Variants in NUP214 observed in about 807,000 individuals in gnomAD.
NUP214 encodes the protein nuclear pore complex protein Nup214.
In NUP214, 79 loss-of-function variants were observed where a neutral mutation model predicts 196.2. The ratio of observed to expected loss-of-function variants is 0.40; its 90% CI spans 0.34 to 0.49. The LOEUF (loss-of-function observed/expected upper bound fraction) is 0.49. Among genes scored for constraint, NUP214 ranks in the 20% least tolerant of loss-of-function variants. The pLI is 0.58. For missense variants in NUP214, 2,468 were observed against 2,539.0 expected (o/e 0.97, Z 0.60); for synonymous variants, 1,020 against 990.5 (o/e 1.03, Z -0.56).
intron 21 of NUP214, among the ~76,000 whole-genome samples, chr9:131,165,837 T>C (rs1832773622): frequency 6.6e-6 from 1 of 152,194 alleles, no homozygotes; most frequent in Non-Finnish European, 1.5e-5. Flanking sequence ...CTTGAGGACA[T>C]TGTGCTAAGT....
intron 15 of NUP214, 76 bp from the exon 16 acceptor site, chr9:131,150,540 A>G (rs1191899525): frequency 1.3e-6 from 2 of 1,586,000 alleles, no homozygotes; most frequent in African/African-American, 2.7e-5. Flanking sequence ...CAGTCTGAGC[A>G]GTTAGTAAGC....
chr9:131,219,372 A>G (rs1040653754), intron 31 of NUP214, among the ~76,000 whole-genome samples: 3 of 152,200 alleles, frequency 2.0e-5, no homozygotes, highest in African/African-American at 7.2e-5. Flanking sequence ...AGACCCCATT[A>G]TAGAGAGTTA....
chr9:131,132,517 A>G (rs1588122724), intron 5 of NUP214, 79 bp from the exon 6 acceptor site: 5 of 1,214,504 alleles, frequency 4.1e-6, no homozygotes, highest in Non-Finnish European at 6.1e-6. Flanking sequence ...CATCTAAGGA[A>G]TAGATTAGAT....
intron 3 of NUP214, chr9:131,128,742 A>G (rs1186152541): frequency 1.8e-5 from 7 of 379,736 alleles, no homozygotes; most frequent in Non-Finnish European, 2.8e-5. Context: ...AGATGAATAC[A>G]TAATGTCAAA....
intron 11 of NUP214, 104 bp from the exon 12 acceptor site, chr9:131,144,176 T>A: frequency 1.1e-6 from 1 of 918,532 alleles, no homozygotes; most frequent in Non-Finnish European, 1.7e-6. Flanking sequence ...ACTAGTAACA[T>A]TTCTGGCTTT....
rs1588127414 is a variant in NUP214 at position 131,140,549 on chromosome 9, G to A, written c.1133G>A (p.Ser378Asn). The A allele has an allele frequency of 1.3e-6, 2 of 1,599,944 alleles. No homozygotes were observed. Among genetic ancestry groups the A allele is most frequent in the South Asian group, 1.1e-5 (1 of 87,770 alleles). Residue 378 changes from serine (S) to asparagine (N), a missense_variant and splice_region_variant, in exon 11 of 36, where the codon AGT becomes AAT. Ser to Asn is a conservative substitution (Grantham distance 46). Transcript: ENST00000359428. Reference protein sequence around the residue: ...DYTNQVEITISDEKTLPPAPV... With the variant: ...DYTNQVEITINDEKTLPPAPV... ...TTATTTTTGTTTTCTTTTTTAACAG[G>A]TGATGAAAAGACTCTTCCTCCTGCT...
In NUP214 at chr9:131,128,373, A is replaced by G. The variant is rs765007661; in HGVS notation, c.283A>G (p.Ile95Val). ...CTTGCTAGTTCCTATGAAATTCCCAATCCATCACCTGGCCTTGAGCTGTGA... is the reference window on the plus strand; with the variant it reads ...CTTGCTAGTTCCTATGAAATTCCCAGTCCATCACCTGGCCTTGAGCTGTGA... ...QGLLVPMKFP[I>V]HHLALSCDNL... Residue 95 changes from isoleucine (I) to valine (V), a missense_variant, in exon 3 of 36, where the codon ATC becomes GTC. This residue lies in a region of NUP214 where 392 missense variants were observed against 417.9 expected (regional missense o/e 0.94). Coordinates refer to ENST00000359428, the MANE Select transcript of NUP214 (RefSeq NM_005085.4). The G allele has an allele frequency of 1.1e-5, 17 of 1,613,058 alleles. No individual in the cohort carries two copies. Among genetic ancestry groups the G allele is most frequent in the East Asian group, 2.2e-5 (1 of 44,860 alleles).
intron 30 of NUP214, among the ~76,000 whole-genome samples, chr9:131,202,176 G>A (rs564060618): frequency 6.6e-6 from 1 of 152,246 alleles, no homozygotes; most frequent in African/African-American, 2.4e-5. Context: ...TGTCCAGGCT[G>A]GTCTCAAACT....
At chr9:131,135,639 T>A (rs1470896735) in intron 8 of NUP214, among the ~76,000 whole-genome samples, 1 of 152,240 alleles carries the variant, frequency 6.6e-6, no homozygotes, top group Non-Finnish European at 1.5e-5. Context: ...CTTCCATCCC[T>A]CTAGCTACAT....
chr9:131,164,021 C>G lies in NUP214; in HGVS notation c.2810-40C>G, dbSNP rs1564191529. On this transcript the variant is annotated intron_variant, in intron 20 of 35. Transcript: ENST00000359428. ...CTTCCAAGTACTGATATCTTAAAAA[C>G]TGAGTCTTAATCATTTATGGGTTTA... 4 of 1,613,118 alleles carry G rather than the reference C, an allele frequency of 2.5e-6. No homozygotes were observed. In the African/African-American group the frequency reaches 5.3e-5, roughly 22 times the overall value.
chr9:131,152,313 T>TA (rs1832296073), intron 17 of NUP214, among the ~76,000 whole-genome samples: 1 of 151,980 alleles, frequency 6.6e-6, no homozygotes, highest in Non-Finnish European at 1.5e-5. Context: ...GATAAGGTGT[T>TA]ACTATGCTGC....
At chr9:131,130,688 A>G in intron 4 of NUP214, 78 bp from the exon 5 acceptor site, 4 of 1,267,662 alleles carry the variant, frequency 3.2e-6, no homozygotes, top group Non-Finnish European at 3.5e-6. Context: ...ATGAGAATTG[A>G]TAATTAGCTG....
intron 18 of NUP214, among the ~76,000 whole-genome samples, chr9:131,160,671 ACCTGGGTGTGATAT>A (rs1232090083): frequency 3.3e-5 from 5 of 152,268 alleles, no homozygotes; most frequent in Admixed American, 1.3e-4. Context: ...CAGTGGGACA[ACCTGGGTGTGATAT>A]CAGGGACAGG....
At chr9:131,184,625 C>G (rs1281460606) in intron 24 of NUP214, among the ~76,000 whole-genome samples, 1 of 152,094 alleles carries the variant, frequency 6.6e-6, no homozygotes, top group African/African-American at 2.4e-5. Flanking sequence ...CGTGAGACAC[C>G]GTGCCTGGCC....
At chr9:131,192,091 T>C (rs2131031965) in intron 26 of NUP214, 117 bp from the exon 27 acceptor site, 1 of 612,516 alleles carries the variant, frequency 1.6e-6, no homozygotes, top group Non-Finnish European at 2.6e-6. Flanking sequence ...AAGGCACATG[T>C]GGTGCTAAGC....
intron 27 of NUP214, among the ~76,000 whole-genome samples, chr9:131,193,102 G>C (rs1403337024): frequency 6.6e-6 from 1 of 151,992 alleles, no homozygotes; most frequent in Non-Finnish European, 1.5e-5. Context: ...TAATAATAAT[G>C]ATGGCTGTAC....
Position 131,140,672 on chromosome 9 carries a change from G to A in NUP214, c.1256G>A (p.Arg419Gln), listed in dbSNP as rs35387738. 743 of 1,613,866 alleles carry A rather than the reference G, an allele frequency of 4.6e-4. No individual in the cohort carries two copies. The highest frequency in any genetic ancestry group is 2.9e-3 in the African/African-American group (219 of 74,988). The change falls in exon 11 of 36, where the codon CGA becomes CAA. Residue 419 changes from arginine (R) to glutamine (Q), a missense_variant. Around this residue, in one of 5 missense-constraint regions of NUP214, gnomAD observed 1,801 missense variants for 1,779.4 expected, o/e 1.01. Transcript: ENST00000359428. Reference protein sequence around the residue: ...GVKSLIKTPERLSLEGERQPK... With the variant: ...GVKSLIKTPEQLSLEGERQPK... The stretch of plus-strand genomic sequence containing the variant: ...AAGTCTCTCATCAAAACACCAGAGC[G>A]ACTTTCATTAGAAGGAGAGCGACAG...
chr9:131,174,399 T>C (rs1465018410), intron 22 of NUP214, 81 bp downstream of exon 22: 7 of 1,366,868 alleles, frequency 5.1e-6, no homozygotes, highest in African/African-American at 1.5e-5. Flanking sequence ...GGTCTTATAC[T>C]GTCACACCAA....
chr9:131,209,044 C>T (rs1203561811), intron 30 of NUP214, among the ~76,000 whole-genome samples: 1 of 151,910 alleles, frequency 6.6e-6, no homozygotes, highest in African/African-American at 2.4e-5. Flanking sequence ...GAATGAAGTT[C>T]TCATTCATGC....
Sources: gnomAD v4.1 joint callset for allele counts (sites outside exome capture counted in the v4.1 genomes callset) on GRCh38, gnomAD v4.1.1 for gene constraint, gnomAD v4.1.1 regional missense constraint, MANE v1.5 for transcripts, NCBI Gene and HGNC (gene_info 2026-07-23, HGNC 2026-07-21) for gene names.